Variants in HEATR1 observed in about 807,000 individuals in gnomAD.
HEATR1 encodes the protein HEAT repeat containing 1.
HEATR1 carries 77 observed loss-of-function variants against 248.2 expected under a neutral mutation model. That is an observed-to-expected ratio of 0.31 (90% CI 0.26 to 0.37). The LOEUF is 0.37. HEATR1 is among the 10% of genes least tolerant of loss of function. HEATR1 has a pLI of 1.00. For synonymous variants in HEATR1, 897 were observed against 923.1 expected (o/e 0.97, Z 0.51); for missense variants, 2,420 against 2,504.9 (o/e 0.97, Z 0.72).
intron 17 of HEATR1, among the ~76,000 whole-genome samples, chr1:236,584,200 T>C (rs1234648088): frequency 2.0e-5 from 3 of 152,140 alleles, no homozygotes; most frequent in Admixed American, 6.5e-5. Flanking sequence ...TACATATGTA[T>C]AATAAAACAC....
chr1:236,565,422 G>A (rs1022664845), intron 31 of HEATR1, among the ~76,000 whole-genome samples: 3 of 152,210 alleles, frequency 2.0e-5, no homozygotes, highest in African/African-American at 7.2e-5. Context: ...CTGGGTAGCT[G>A]GGACCACAGG....
intron 12 of HEATR1, among the ~76,000 whole-genome samples, chr1:236,589,724 G>A (rs540579192): frequency 2.3e-4 from 35 of 152,290 alleles, no homozygotes; most frequent in African/African-American, 7.5e-4. Flanking sequence ...TCTGTTAACC[G>A]CTTTACTCTG....
At chr1:236,555,695 T>A (rs1662950659) in intron 39 of HEATR1, 40 bp from the exon 40 acceptor site, 1 of 1,608,238 alleles carries the variant, frequency 6.2e-7, no homozygotes. Flanking sequence ...TGCTGATACC[T>A]GACTGTAAAT....
At chr1:236,556,023 C>T (rs531291919) in intron 38 of HEATR1, 77 bp downstream of exon 38, 1 of 1,605,968 alleles carries the variant, frequency 6.2e-7, no homozygotes, top group African/African-American at 1.3e-5. Context: ...ACTAAATCTT[C>T]TTCTTTAAGT....
At chr1:236,570,734 ACT>A (rs879629254) in intron 28 of HEATR1, among the ~76,000 whole-genome samples, 4 of 151,860 alleles carry the variant, frequency 2.6e-5, no homozygotes, top group Non-Finnish European at 5.9e-5. Context: ...AGAAGCACAG[ACT>A]CTCTTACAAG....
intron 13 of HEATR1, 60 bp downstream of exon 13, chr1:236,587,888 G>T: frequency 8.5e-7 from 1 of 1,183,286 alleles, no homozygotes; most frequent in Non-Finnish European, 1.2e-6. Context: ...AGAGAATCAA[G>T]TGAGAAGGGC....
At chr1:236,594,262 CTTA>C (rs879924182) in intron 8 of HEATR1, 148 bp from the exon 9 acceptor site, 4 of 537,338 alleles carry the variant, frequency 7.4e-6, no homozygotes, top group Admixed American at 3.8e-5. Context: ...GTGCATTCCA[CTTA>C]TTTAGTCATT....
At chr1:236,588,160 C>A (rs1455487749) in intron 12 of HEATR1, 117 bp from the exon 13 acceptor site, 2 of 662,750 alleles carry the variant, frequency 3.0e-6, no homozygotes, top group East Asian at 2.8e-5. Context: ...CTAACACAGG[C>A]TCTGCTCTGG....
chr1:236,579,936 AAC>A (rs1036548811), intron 20 of HEATR1, among the ~76,000 whole-genome samples: 45 of 32,884 alleles, frequency 1.4e-3, no homozygotes, highest in African/African-American at 1.6e-3. Context: ...TTAAAAAAAA[AAC>A]AACAAGAAAC....
intron 30 of HEATR1, 130 bp from the exon 31 acceptor site, chr1:236,566,175 C>T (rs1036834898): frequency 3.8e-6 from 3 of 799,302 alleles, no homozygotes; most frequent in African/African-American, 3.5e-5. Context: ...TCGAGATCTA[C>T]TCCCAGATCC....
chr1:236,567,319 G>C (rs1325923663), intron 29 of HEATR1, among the ~76,000 whole-genome samples: 1 of 152,150 alleles, frequency 6.6e-6, no homozygotes, highest in Non-Finnish European at 1.5e-5. Context: ...TAAATATTCA[G>C]TAAGTACCTG....
At chr1:236,579,445 AAT>A (rs1449789298) in intron 20 of HEATR1, among the ~76,000 whole-genome samples, 1 of 152,236 alleles carries the variant, frequency 6.6e-6, no homozygotes, top group Non-Finnish European at 1.5e-5. Flanking sequence ...GGAAAACAGA[AAT>A]AGTTATCTCT....
Position 236,581,309 on chromosome 1 carries a change from G to C in HEATR1, c.2668C>G (p.Gln890Glu), listed in dbSNP as rs1417304159. 1 of 1,613,234 alleles carries C rather than the reference G, an allele frequency of 6.2e-7. No homozygotes were observed. The change falls in exon 20 of 45, where the codon CAG becomes GAG. Residue 890 changes from glutamine to glutamate, a missense_variant. Coordinates refer to ENST00000366582, the MANE Select transcript of HEATR1 (RefSeq NM_018072.6). ...CAGCCCACATAAAGAGCTTGAGTCT[G>C]CAGCACTGTTTTCACACTGCAGTTT... is the stretch of plus-strand genomic sequence containing the variant. Reference protein sequence around the residue: ...PLNCSVKTVLQTQALYVGCAM... With the variant: ...PLNCSVKTVLETQALYVGCAM...
chr1:236,572,804 G>GGACTTGTTC lies in HEATR1; in HGVS notation c.3475_3483dup (p.Glu1159_Val1161dup), dbSNP rs769147977. 2 of 1,613,814 alleles carry GGACTTGTTC rather than the reference G, an allele frequency of 1.2e-6. No homozygotes were observed. Among genetic ancestry groups the GGACTTGTTC allele is most frequent in the East Asian group, 2.2e-5 (1 of 44,866 alleles). On this transcript the variant is annotated inframe_insertion, in exon 25 of 45. Transcript: ENST00000366582. The stretch of plus-strand genomic sequence containing the variant: ...TTATCTGGTGGCTCCAGTTCTATTC[G>GGACTTGTTC]GACTTGTTCAGCATTAACGGAAATC...
intron 5 of HEATR1, among the ~76,000 whole-genome samples, 194 bp downstream of exon 5, chr1:236,597,684 T>C (rs1292969618): frequency 7.6e-6 from 1 of 130,950 alleles, no homozygotes; most frequent in Non-Finnish European, 1.6e-5. Flanking sequence ...CCTTTGGTGA[T>C]AAAAGACTGA....
At chr1:236,601,780 C>T (rs1256559734) in intron 3 of HEATR1, among the ~76,000 whole-genome samples, 5 of 151,212 alleles carry the variant, frequency 3.3e-5, no homozygotes, top group Admixed American at 1.3e-4. Context: ...GAGTGGGCCA[C>T]GATCACACCA....
chr1:236,574,108 C>T, intron 24 of HEATR1, 94 bp downstream of exon 24: 2 of 1,119,884 alleles, frequency 1.8e-6, no homozygotes, highest in Non-Finnish European at 2.4e-6. Context: ...TGACCTCTTA[C>T]AAGCACTATA....
Position 236,555,844 on chromosome 1 carries a change from A to G in HEATR1, c.5610T>C (p.Phe1870=), listed in dbSNP as rs2103124208. The G allele has an allele frequency of 6.2e-7, 1 of 1,614,158 alleles. No individual in the cohort carries two copies. The highest frequency in any genetic ancestry group is 1.3e-5 in the African/African-American group (1 of 75,054). The change falls in exon 39 of 45, where the codon TTT becomes TTC. Residue 1870 remains phenylalanine (F), a synonymous_variant. Transcript: ENST00000366582. ...LTSHQSQLTA[F]FLEALDFRAQ... ...CTCGGAAGTCCAGGGCTTCCAGGAA[A>G]AAGGCGGTTAGCTGAGACTGATGGG...
chr1:236,563,854 C>T (rs1426360141), intron 32 of HEATR1, among the ~76,000 whole-genome samples: 1 of 152,188 alleles, frequency 6.6e-6, no homozygotes, highest in Non-Finnish European at 1.5e-5. Context: ...ATGGCTCATG[C>T]CTGTAATCCC....
Sources: gnomAD v4.1 joint callset for allele counts (sites outside exome capture counted in the v4.1 genomes callset) on GRCh38, gnomAD v4.1.1 for gene constraint, MANE v1.5 for transcripts, NCBI Gene and HGNC (gene_info 2026-07-23, HGNC 2026-07-21) for gene names.